The following SHANK2 variants were observed in gnomAD, a reference collection of about 807,000 sequenced individuals.
SHANK2 encodes the protein SH3 and multiple ankyrin repeat domains 2, also known as SH3 and multiple ankyrin repeat domains protein 2.
In SHANK2, 43 loss-of-function variants were observed where a neutral mutation model predicts 133.7. That is an observed-to-expected ratio of 0.32 (90% CI 0.25 to 0.41). The LOEUF (loss-of-function observed/expected upper bound fraction) is 0.41, where lower values mean the gene tolerates loss of function less well. Ranked by LOEUF, SHANK2 falls within the 10% of genes least tolerant of loss-of-function variation. SHANK2 has a pLI of 1.00. For synonymous variants in SHANK2, 1,017 were observed against 952.8 expected (o/e 1.07, Z -1.24); for missense variants, 1,994 against 2,235.8 (o/e 0.89, Z 2.18).
At position 70,773,454 on chromosome 11, in the gene SHANK2, C is replaced by T. The variant is rs140190330; in HGVS notation, c.1777+24989G>A. ...AGGATCTTTTCAATTCATGACATCTCTTTTCACTTGGAAAAATGCAGATTC... is the reference window on the plus strand; with the variant it reads ...AGGATCTTTTCAATTCATGACATCTTTTTTCACTTGGAAAAATGCAGATTC... On this transcript the variant is annotated intron_variant, in intron 14 of 25. Coordinates refer to ENST00000601538, the MANE Select transcript of SHANK2 (RefSeq NM_012309.5). Among the ~76,000 whole-genome samples, 5 of 152,302 alleles carry T rather than the reference C, an allele frequency of 3.3e-5. No homozygotes were observed. The East Asian group carries it at 9.7e-4, about 29-fold the overall frequency.
chr11:70,575,497 C>G (rs1382298563), intron 17 of SHANK2, among the ~76,000 whole-genome samples: 2 of 147,260 alleles, frequency 1.4e-5, no homozygotes, highest in African/African-American at 5.1e-5. Flanking sequence ...CCAGCCAGGG[C>G]AACAAATTGA....
chr11:70,576,215 A>G (rs1218123103), intron 17 of SHANK2, among the ~76,000 whole-genome samples: 1 of 152,030 alleles, frequency 6.6e-6, no homozygotes, highest in East Asian at 1.9e-4. Flanking sequence ...AGGAAAGGAG[A>G]GGCTGGGGGT....
intron 2 of SHANK2, among the ~76,000 whole-genome samples, chr11:71,202,762 G>A (rs1348986291): frequency 6.6e-6 from 1 of 152,160 alleles, no homozygotes; most frequent in Non-Finnish European, 1.5e-5. Context: ...GCACAGCAAG[G>A]CTGTCTCCAT....
At chr11:70,810,604 C>T (rs894572007) in intron 12 of SHANK2, among the ~76,000 whole-genome samples, 28 of 152,344 alleles carry the variant, frequency 1.8e-4, no homozygotes, top group African/African-American at 5.3e-4. Context: ...GCTCTGTGGA[C>T]GGCCTGAACC....
intron 10 of SHANK2, among the ~76,000 whole-genome samples, chr11:70,951,963 C>T (rs1299963783): frequency 7.9e-5 from 12 of 152,208 alleles, no homozygotes; most frequent in African/African-American, 2.7e-4. Flanking sequence ...AGCATGAGGT[C>T]GTCTTAACTC....
At chr11:70,933,827 G>A (rs1204031491) in intron 10 of SHANK2, among the ~76,000 whole-genome samples, 4 of 150,956 alleles carry the variant, frequency 2.6e-5, no homozygotes, top group African/African-American at 9.8e-5. Flanking sequence ...GGCTGAGGCA[G>A]GAGAATTGGT....
chr11:71,112,070 T>C (rs937894843), intron 5 of SHANK2, among the ~76,000 whole-genome samples: 2 of 152,096 alleles, frequency 1.3e-5, no homozygotes, highest in Admixed American at 6.5e-5. Flanking sequence ...AAATCAATAA[T>C]GATAATGACA....
At chr11:70,738,631 G>A (rs1555034102) in intron 14 of SHANK2, among the ~76,000 whole-genome samples, 1 of 152,194 alleles carries the variant, frequency 6.6e-6, no homozygotes, top group South Asian at 2.1e-4. Flanking sequence ...TGGAAGCACA[G>A]CCAGCCGCTG....
intron 17 of SHANK2, among the ~76,000 whole-genome samples, chr11:70,540,671 A>C (rs2059609288): frequency 6.6e-6 from 1 of 151,924 alleles, no homozygotes; most frequent in South Asian, 2.1e-4. Flanking sequence ...TATAACATAA[A>C]ACTTCCAACC....
At chr11:70,672,218 C>T (rs1944826623) in intron 15 of SHANK2, among the ~76,000 whole-genome samples, 2 of 151,994 alleles carry the variant, frequency 1.3e-5, no homozygotes, top group African/African-American at 4.8e-5. Context: ...TGCCCGCCAC[C>T]ATGCCTGGCT....
At chr11:70,892,950 T>G (rs376385684) in intron 11 of SHANK2, among the ~76,000 whole-genome samples, 1 of 152,148 alleles carries the variant, frequency 6.6e-6, no homozygotes, top group Admixed American at 6.5e-5. Context: ...GCCCTGCCCT[T>G]CCCTGACTTC....
intron 21 of SHANK2, among the ~76,000 whole-genome samples, chr11:70,496,648 C>T (rs2135790002): frequency 6.6e-6 from 1 of 152,358 alleles, no homozygotes; most frequent in East Asian, 1.9e-4. Context: ...GAAGGGAAAA[C>T]ATTTCAGGTC....
chr11:70,614,811 C>T (rs1470677843), intron 17 of SHANK2, among the ~76,000 whole-genome samples: 2 of 152,198 alleles, frequency 1.3e-5, no homozygotes, highest in Non-Finnish European at 2.9e-5. Context: ...GCCTCTGAGC[C>T]CTTCTCAACA....
chr11:70,938,361 A>G (rs1950599017), intron 10 of SHANK2, among the ~76,000 whole-genome samples: 1 of 152,190 alleles, frequency 6.6e-6, no homozygotes, highest in South Asian at 2.1e-4. Flanking sequence ...AATGTGATCC[A>G]CTTAGTTAAT....
intron 17 of SHANK2, among the ~76,000 whole-genome samples, chr11:70,506,027 T>C (rs781832511): frequency 6.6e-6 from 1 of 152,152 alleles, no homozygotes; most frequent in Non-Finnish European, 1.5e-5. Flanking sequence ...GGAGGGCCCT[T>C]TTCCTCAGAA....
chr11:70,581,779 T>C (rs1022160941), intron 17 of SHANK2, among the ~76,000 whole-genome samples: 4 of 152,286 alleles, frequency 2.6e-5, no homozygotes, highest in African/African-American at 7.2e-5. Context: ...TCCATGAGTA[T>C]AGAGAGTCCA....
At chr11:70,941,355 C>T (rs1005326812) in intron 10 of SHANK2, among the ~76,000 whole-genome samples, 10 of 152,262 alleles carry the variant, frequency 6.6e-5, no homozygotes, top group Middle Eastern at 3.4e-3. Context: ...GACAGCAGGC[C>T]GTGTGTTGAA....
At chr11:70,622,020 C>A (rs138421411) in intron 17 of SHANK2, among the ~76,000 whole-genome samples, 1 of 152,156 alleles carries the variant, frequency 6.6e-6, no homozygotes, top group East Asian at 1.9e-4. Context: ...CTGAGCCCAG[C>A]GCCATGTGGA....
At chr11:70,757,287 C>T (rs983586061) in intron 14 of SHANK2, among the ~76,000 whole-genome samples, 13 of 152,180 alleles carry the variant, frequency 8.5e-5, no homozygotes, top group African/African-American at 1.9e-4. Context: ...TCTCTAGCCT[C>T]GGTTTCCTTA....
Sources: gnomAD v4.1 joint callset for allele counts (sites outside exome capture counted in the v4.1 genomes callset) on GRCh38, gnomAD v4.1.1 for gene constraint, MANE v1.5 for transcripts, NCBI Gene and HGNC (gene_info 2026-07-23, HGNC 2026-07-21) for gene names.